The following AHCY variants were observed in gnomAD, a reference collection of about 807,000 sequenced individuals.
AHCY encodes the protein S-adenosyl-L-homocysteine hydrolase.
In AHCY, 24 loss-of-function variants were observed where a neutral mutation model predicts 45.4. That is an observed-to-expected ratio of 0.53 (90% CI 0.38 to 0.74). The LOEUF (loss-of-function observed/expected upper bound fraction) is 0.74. AHCY is among the 30% of genes least tolerant of loss of function. The pLI is 0.00. For missense variants in AHCY, 449 were observed against 594.1 expected, an observed-to-expected ratio of 0.76 and a Z score of 2.54; for synonymous variants, 245 against 235.1, an observed-to-expected ratio of 1.04 and a Z score of -0.39.
At chr20:34,244,844 A>G in the AHCY span, among the ~76,000 whole-genome samples, 1 of 152,334 alleles carries the variant, frequency 6.6e-6, no homozygotes, top group East Asian at 1.9e-4. Context: ...TGTAACAACA[A>G]AGCAAATTGA....
chr20:34,298,564 G>T lies in AHCY; in HGVS notation c.29-2979C>A, dbSNP rs189319829. The stretch of plus-strand genomic sequence containing the variant: ...TCCAGCGGTAGCAAAAGGTGTCAAG[G>T]AACAACACCCGCTACTTAGCAGACT... On this transcript the variant is annotated intron_variant, in intron 1 of 9. Coordinates refer to ENST00000217426, the MANE Select transcript of AHCY (RefSeq NM_000687.4). Among the ~76,000 whole-genome samples, 921 of 129,182 alleles carry T rather than the reference G, an allele frequency of 7.1e-3. 6 individuals are homozygous for T. Among genetic ancestry groups the T allele is most frequent in the Middle Eastern group, 0.032 (6 of 190 alleles). 84.7% of individuals were successfully genotyped at this position (129,182 alleles called of 152,430 possible). A position where few individuals can be genotyped will look rare whatever the true frequency, so the allele number is the denominator to read the frequency against.
At chr20:34,247,120 G>A in the AHCY span, among the ~76,000 whole-genome samples, 1 of 151,920 alleles carries the variant, frequency 6.6e-6, no homozygotes, top group Non-Finnish European at 1.5e-5. Flanking sequence ...ATGCTTTCAA[G>A]TAGCTGGGAC....
At chr20:34,233,525 C>T in the AHCY span, among the ~76,000 whole-genome samples, 2 of 152,130 alleles carry the variant, frequency 1.3e-5, no homozygotes, top group Non-Finnish European at 2.9e-5. Context: ...GATGGTTGCA[C>T]AACTCTGTGA....
Position 34,280,878 on chromosome 20 carries a change from G to C in AHCY, c.*156C>G. On this transcript the variant is annotated 3_prime_UTR_variant, in exon 10 of 10. Coordinates refer to ENST00000217426, the MANE Select transcript of AHCY (RefSeq NM_000687.4). ...GCTGCCACATTTGGAACAGTATGAC[G>C]GCTGCAGCAGAGGCCAAAAACTAAG... 1.8e-6 allele frequency: 2 copies of C among 1,135,274 alleles called. No homozygotes were observed. Among genetic ancestry groups the C allele is most frequent in the South Asian group, 2.8e-5 (2 of 72,250 alleles). 70.3% of individuals were successfully genotyped at this position (1,135,274 alleles called of 1,614,324 possible).
chr20:34,236,407 G>A, the AHCY span, among the ~76,000 whole-genome samples: 1 of 152,190 alleles, frequency 6.6e-6, no homozygotes, highest in Non-Finnish European at 1.5e-5. Flanking sequence ...AGCCAGGCAT[G>A]GTGGTGCGTG....
chr20:34,298,093 C>G (rs2036630272), intron 1 of AHCY, among the ~76,000 whole-genome samples: 1 of 152,076 alleles, frequency 6.6e-6, no homozygotes, highest in South Asian at 2.1e-4. Context: ...GAGCTGAGAT[C>G]ATGCCACTGC....
At chr20:34,268,967 A>G in the AHCY span, 1 of 1,584,554 alleles carries the variant, frequency 6.3e-7, no homozygotes, top group Non-Finnish European at 8.6e-7. Flanking sequence ...GCCGGCTCAT[A>G]AAGCCCCGGC....
chr20:34,246,724 C>T, the AHCY span, among the ~76,000 whole-genome samples: 1 of 152,218 alleles, frequency 6.6e-6, no homozygotes, highest in Admixed American at 6.5e-5. Flanking sequence ...TCCCAAAGTG[C>T]TGGGATTACA....
chr20:34,287,655 G>A (rs1421870174), intron 8 of AHCY, among the ~76,000 whole-genome samples: 2 of 151,820 alleles, frequency 1.3e-5, no homozygotes, highest in Non-Finnish European at 2.9e-5. Context: ...GCCTCCCAAA[G>A]TGCTGGAATT....
Position 34,290,765 on chromosome 20 carries a change from A to G in AHCY, c.732T>C (p.Ile244=). Residue 244 remains isoleucine, a synonymous_variant, in exon 6 of 10, where the codon ATT becomes ATC. Coordinates refer to ENST00000217426, the MANE Select transcript of AHCY (RefSeq NM_000687.4). The surrounding 1 kb of genome is among the most constrained non-coding windows in gnomAD (Gnocchi z 4.5). Reference sequence around the variant, plus strand: ...CAGCCTGCAGTGCGTTGATGGGGTCAATCTCGGTGATGATGACGCGGGCTC... The same window carrying G: ...CAGCCTGCAGTGCGTTGATGGGGTCGATCTCGGTGATGATGACGCGGGCTC... The part of the protein sequence containing the change: ...GFGARVIITE[I]DPINALQAAM... The G allele has an allele frequency of 6.2e-7, 1 of 1,613,738 alleles. No individual in the cohort carries two copies. Among genetic ancestry groups the G allele is most frequent in the Non-Finnish European group, 8.5e-7 (1 of 1,179,934 alleles).
At chr20:34,267,679 G>A in the AHCY span, among the ~76,000 whole-genome samples, 1 of 151,898 alleles carries the variant, frequency 6.6e-6, no homozygotes, top group Admixed American at 6.6e-5. Flanking sequence ...GATTACAGAT[G>A]TGCCACCATG....
At chr20:34,258,709 T>TA in the AHCY span, among the ~76,000 whole-genome samples, 2 of 31,154 alleles carry the variant, frequency 6.4e-5, no homozygotes, top group African/African-American at 8.0e-5. Context: ...TATATATATA[T>TA]TATATATATT....
chr20:34,306,842 TATA>T (rs1200582374), upstream of AHCY, among the ~76,000 whole-genome samples: 2 of 152,248 alleles, frequency 1.3e-5, no homozygotes, highest in Non-Finnish European at 2.9e-5. Context: ...ATTTCATTTC[TATA>T]ATATTCTTGA....
the AHCY span, among the ~76,000 whole-genome samples, chr20:34,244,719 T>G: frequency 6.6e-6 from 1 of 152,364 alleles, no homozygotes; most frequent in East Asian, 1.9e-4. Flanking sequence ...GCTTACTGTT[T>G]CAAACAGCGC....
the AHCY span, among the ~76,000 whole-genome samples, chr20:34,240,311 T>G: frequency 6.6e-6 from 1 of 152,144 alleles, no homozygotes; most frequent in East Asian, 1.9e-4. Context: ...AAAATTTAAT[T>G]CATGGAGCAG....
chr20:34,297,473 T>C (rs1373665940), intron 1 of AHCY, among the ~76,000 whole-genome samples: 1 of 151,920 alleles, frequency 6.6e-6, no homozygotes, highest in Admixed American at 6.6e-5. Context: ...AATTTTTGTA[T>C]TTTTAGAGGA....
the AHCY span, chr20:34,262,693 T>C: frequency 9.1e-6 from 8 of 879,370 alleles, no homozygotes; most frequent in Non-Finnish European, 1.5e-5. Context: ...GCTTGAGTCC[T>C]ACAGTGTGAC....
At chr20:34,252,345 G>GAGAA in the AHCY span, among the ~76,000 whole-genome samples, 1 of 152,170 alleles carries the variant, frequency 6.6e-6, no homozygotes, top group African/African-American at 2.4e-5. Context: ...AACAGGTGGG[G>GAGAA]AGAAGGTCAG....
chr20:34,272,706 G>A, the AHCY span, among the ~76,000 whole-genome samples: 1 of 152,132 alleles, frequency 6.6e-6, no homozygotes, highest in South Asian at 2.1e-4. Flanking sequence ...GGTCAACAGA[G>A]TGAGACCCCA....
Sources: gnomAD v4.1 joint callset for allele counts (sites outside exome capture counted in the v4.1 genomes callset) on GRCh38, gnomAD v4.1.1 for gene constraint, Gnocchi (gnomAD v3.1) non-coding constraint, MANE v1.5 for transcripts, NCBI Gene and HGNC (gene_info 2026-07-23, HGNC 2026-07-21) for gene names.